Variants in PLCL1 observed in about 807,000 individuals in gnomAD.
The protein encoded by PLCL1 is inactive phospholipase C-like protein 1.
Under a neutral mutation model 84.4 loss-of-function variants are expected in PLCL1, and 41 were observed. The observed-to-expected ratio is 0.49, with a 90% confidence interval of 0.38 to 0.63. The LOEUF (loss-of-function observed/expected upper bound fraction) is 0.63. Ranked by LOEUF, PLCL1 falls within the 30% of genes least tolerant of loss-of-function variation. The pLI is 0.00. For missense variants in PLCL1, 1,206 were observed against 1,367.8 expected, an observed-to-expected ratio of 0.88 and a Z score of 1.87; for synonymous variants, 490 against 488.3, an observed-to-expected ratio of 1.00 and a Z score of -0.05.
rs182587749 is a variant in PLCL1, at chr2:198,043,031, A to T, written c.241-40727A>T. 2.3e-3 allele frequency among the ~76,000 whole-genome samples: 345 copies of T among 152,300 alleles called. 3 individuals are homozygous for T. Among genetic ancestry groups the T allele is most frequent in the Non-Finnish European group, 2.0e-3 (138 of 68,030 alleles). On this transcript the variant is annotated intron_variant, in intron 1 of 5. Transcript: ENST00000428675. ...ACACCAATGATTTCCAAGAGAGGATATATTGGCTGCCCAGATCTGAGCAGT... is the reference window on the plus strand; with the variant it reads ...ACACCAATGATTTCCAAGAGAGGATTTATTGGCTGCCCAGATCTGAGCAGT...
At chr2:197,956,136 C>T (rs1270044815) in intron 1 of PLCL1, among the ~76,000 whole-genome samples, 2 of 152,136 alleles carry the variant, frequency 1.3e-5, no homozygotes, top group Non-Finnish European at 2.9e-5. Flanking sequence ...CATGTCCCTG[C>T]AAAGGACATG....
intron 1 of PLCL1, among the ~76,000 whole-genome samples, chr2:198,034,194 T>C (rs1268775229): frequency 6.6e-6 from 1 of 151,728 alleles, no homozygotes; most frequent in Non-Finnish European, 1.5e-5. Context: ...CCTTCCTGTG[T>C]CCAAGTGTTC....
chr2:197,984,756 A>C (rs1169287913), intron 1 of PLCL1, among the ~76,000 whole-genome samples: 2 of 151,936 alleles, frequency 1.3e-5, no homozygotes, highest in Non-Finnish European at 2.9e-5. Flanking sequence ...TATCTTACTT[A>C]CTGCATTAGA....
intron 1 of PLCL1, among the ~76,000 whole-genome samples, chr2:198,045,388 A>G (rs1691763511): frequency 6.6e-6 from 1 of 152,210 alleles, no homozygotes; most frequent in South Asian, 2.1e-4. Flanking sequence ...GTTATGAATC[A>G]TAGGAATGTA....
At position 197,996,211 on chromosome 2, in the gene PLCL1, G is replaced by A. The variant is rs1013198786; in HGVS notation, c.241-87547G>A. Among the ~76,000 whole-genome samples the A allele has an allele frequency of 2.6e-5, 4 of 152,234 alleles. No individual in the cohort carries two copies. In the East Asian group the frequency reaches 7.7e-4, roughly 29 times the overall value. On this transcript the variant is annotated intron_variant, in intron 1 of 5. Coordinates refer to ENST00000428675, the MANE Select transcript of PLCL1 (RefSeq NM_006226.4). ...CCAGGCCAGAAATGCTGGTTAGGAA[G>A]GCATTGGTGCTGCATGGTAGTGGAA...
At chr2:198,096,895 A>G (rs1200078365) in intron 3 of PLCL1, among the ~76,000 whole-genome samples, 1 of 152,230 alleles carries the variant, frequency 6.6e-6, no homozygotes, top group African/African-American at 2.4e-5. Flanking sequence ...GTTGGCTTAA[A>G]TACATTCTGT....
chr2:197,934,755 C>CA, intron 1 of PLCL1, among the ~76,000 whole-genome samples: 1 of 152,220 alleles, frequency 6.6e-6, no homozygotes, highest in South Asian at 2.1e-4. Context: ...ATTAACATAT[C>CA]AGTCACCTCA....
chr2:197,944,410 C>T (rs1689229351), intron 1 of PLCL1, among the ~76,000 whole-genome samples: 1 of 152,128 alleles, frequency 6.6e-6, no homozygotes, highest in Non-Finnish European at 1.5e-5. Context: ...GTGCCTGAGT[C>T]TCAAGCTCCT....
intron 1 of PLCL1, among the ~76,000 whole-genome samples, chr2:198,045,759 T>G (rs866697798): frequency 6.6e-6 from 1 of 152,202 alleles, no homozygotes; most frequent in Non-Finnish European, 1.5e-5. Context: ...ATTGATTTAT[T>G]TGGACTCAGA....
chr2:197,941,375 T>C lies in PLCL1; in HGVS notation c.240+136036T>C, dbSNP rs150495502. The stretch of plus-strand genomic sequence containing the variant: ...AGTGCAATCACAGCTCTCTGCAGCT[T>C]TGACCTCCCAGGCTTGAGCAATTTT... On this transcript the variant is annotated intron_variant, in intron 1 of 5. Coordinates refer to ENST00000428675, the MANE Select transcript of PLCL1 (RefSeq NM_006226.4). Among the ~76,000 whole-genome samples, 207 of 152,234 alleles carry C rather than the reference T, an allele frequency of 1.4e-3. 1 individual carries two copies. The highest frequency in any genetic ancestry group is 4.4e-3 in the African/African-American group (182 of 41,534).
At chr2:197,987,930 G>A (rs1246590344) in intron 1 of PLCL1, among the ~76,000 whole-genome samples, 1 of 152,156 alleles carries the variant, frequency 6.6e-6, no homozygotes, top group Non-Finnish European at 1.5e-5. Flanking sequence ...ATTGGAGGGT[G>A]CATTTTTGAA....
In PLCL1 at chr2:197,886,411, C is replaced by CAA. The variant is rs61183744; in HGVS notation, c.240+81112_240+81113dup. Reference sequence around the variant, plus strand: ...TGGGCAACAGAATGAGACTCTGTCTCAAAAAAAAAAAAAAAAAAAAAAAAA... The same window carrying CAA: ...TGGGCAACAGAATGAGACTCTGTCTCAAAAAAAAAAAAAAAAAAAAAAAAAAA... On this transcript the variant is annotated intron_variant, in intron 1 of 5. Coordinates refer to ENST00000428675, the MANE Select transcript of PLCL1 (RefSeq NM_006226.4). Among the ~76,000 whole-genome samples, 84 of 77,054 alleles carry CAA rather than the reference C, an allele frequency of 1.1e-3. 6 individuals are homozygous for CAA. Among genetic ancestry groups the CAA allele is most frequent in the Non-Finnish European group, 1.6e-3 (60 of 37,376 alleles). 50.6% of individuals were successfully genotyped at this position (77,054 alleles called of 152,430 possible).
chr2:197,938,154 T>C (rs560299800), intron 1 of PLCL1, among the ~76,000 whole-genome samples: 1 of 152,320 alleles, frequency 6.6e-6, no homozygotes, highest in Non-Finnish European at 1.5e-5. Context: ...CAATAATTCT[T>C]CTATCTTCTT....
chr2:198,027,872 A>C (rs1457977353), intron 1 of PLCL1, among the ~76,000 whole-genome samples: 2 of 151,996 alleles, frequency 1.3e-5, no homozygotes, highest in Non-Finnish European at 2.9e-5. Flanking sequence ...TTGTTCTGTC[A>C]CCCAGGCTGG....
intron 1 of PLCL1, among the ~76,000 whole-genome samples, chr2:197,926,889 G>A (rs1688842453): frequency 6.6e-6 from 1 of 152,180 alleles, no homozygotes; most frequent in Non-Finnish European, 1.5e-5. Flanking sequence ...GGGATTATCT[G>A]AAGGCTTGAT....
rs74716604 is a variant in PLCL1, at chr2:198,068,012, T to C, written c.241-15746T>C. 3.8e-4 allele frequency among the ~76,000 whole-genome samples: 58 copies of C among 152,338 alleles called. No individual in the cohort carries two copies. The East Asian group carries it at 8.1e-3, about 21-fold the overall frequency. ...GATGATAATATGAAATTAAGTGTAG[T>C]GAATTCATTATGGATTGCCTTTCTC... On this transcript the variant is annotated intron_variant, in intron 1 of 5. Transcript: ENST00000428675.
At chr2:197,840,463 C>T (rs1278257586) in intron 1 of PLCL1, among the ~76,000 whole-genome samples, 1 of 152,000 alleles carries the variant, frequency 6.6e-6, no homozygotes, top group East Asian at 1.9e-4. Flanking sequence ...TTTATGTAGG[C>T]TTGTTCACTA....
In PLCL1 at chr2:197,882,290, CA is replaced by C. The variant is rs199954868; in HGVS notation, c.240+76958del. On this transcript the variant is annotated intron_variant, in intron 1 of 5. Coordinates refer to ENST00000428675, the MANE Select transcript of PLCL1 (RefSeq NM_006226.4). ...AGTTAAGGTACATGCCAAAGATAAG[CA>C]AAAAAAGGCATGCAACCCTATGGGT... 9.8e-3 allele frequency among the ~76,000 whole-genome samples: 1,489 copies of C among 151,652 alleles called. 17 individuals are homozygous for C. The highest frequency in any genetic ancestry group is 0.028 in the South Asian group (136 of 4,798).
chr2:198,059,454 A>G (rs1321554235), intron 1 of PLCL1, among the ~76,000 whole-genome samples: 1 of 152,198 alleles, frequency 6.6e-6, no homozygotes, highest in Non-Finnish European at 1.5e-5. Flanking sequence ...TTTGAGGTAG[A>G]AAATTATCTT....
Sources: gnomAD v4.1 joint callset for allele counts (sites outside exome capture counted in the v4.1 genomes callset) on GRCh38, gnomAD v4.1.1 for gene constraint, MANE v1.5 for transcripts, NCBI Gene and HGNC (gene_info 2026-07-23, HGNC 2026-07-21) for gene names.